Variants in SPOCK3 observed in about 807,000 individuals in gnomAD.
SPOCK3 encodes the protein testican-3.
Under a neutral mutation model 56.6 loss-of-function variants are expected in SPOCK3, and 30 were observed. That is an observed-to-expected ratio of 0.53 (90% CI 0.40 to 0.72). The LOEUF is 0.72. Ranked by LOEUF, SPOCK3 falls within the 30% of genes least tolerant of loss-of-function variation. SPOCK3 has a pLI of 0.00. For missense variants in SPOCK3, 527 were observed against 530.0 expected (o/e 0.99, Z 0.06); for synonymous variants, 196 against 183.3 (o/e 1.07, Z -0.56).
Position 166,869,312 on chromosome 4 carries a change from A to G in SPOCK3, c.589+19818T>C, listed in dbSNP as rs958258675. Among the ~76,000 whole-genome samples the G allele has an allele frequency of 2.6e-5, 4 of 152,278 alleles. No homozygotes were observed. The East Asian group carries it at 7.7e-4, about 29-fold the overall frequency. ...TCAAAAGTCTTAAAGCAGTAGGCAT[A>G]AGGCCATCTAAGTAAACCAGGGAAA... On this transcript the variant is annotated intron_variant, in intron 6 of 10. Coordinates refer to ENST00000357545, the MANE Select transcript of SPOCK3 (RefSeq NM_001040159.2).
At chr4:166,809,350 T>C (rs961582617) in intron 6 of SPOCK3, among the ~76,000 whole-genome samples, 4 of 152,044 alleles carry the variant, frequency 2.6e-5, no homozygotes, top group Non-Finnish European at 5.9e-5. Flanking sequence ...GGCCACTTCC[T>C]TTTATGGCTT....
At chr4:167,127,786 T>A (rs904871869) in intron 2 of SPOCK3, among the ~76,000 whole-genome samples, 1 of 152,078 alleles carries the variant, frequency 6.6e-6, no homozygotes, top group Non-Finnish European at 1.5e-5. Flanking sequence ...AAAAATAGAG[T>A]GATGATAAAT....
chr4:167,071,721 C>T (rs1756703350), intron 2 of SPOCK3, among the ~76,000 whole-genome samples: 1 of 152,090 alleles, frequency 6.6e-6, no homozygotes, highest in Non-Finnish European at 1.5e-5. Flanking sequence ...GATTTATAAT[C>T]CTTTGGATAT....
In SPOCK3 at chr4:166,974,886, A is replaced by G. The variant is rs780999839; in HGVS notation, c.350+25463T>C. On this transcript the variant is annotated intron_variant, in intron 4 of 10. Transcript: ENST00000357545. ...ACTGAATGTTAATCTCGAATGTAAC[A>G]TTATTGAAAGGTTGGGCTTTTCAGA... Among the ~76,000 whole-genome samples the G allele has an allele frequency of 2.0e-5, 3 of 152,232 alleles. No individual in the cohort carries two copies. The South Asian group carries it at 6.2e-4, about 31-fold the overall frequency.
intron 6 of SPOCK3, among the ~76,000 whole-genome samples, chr4:166,824,545 G>A (rs774979242): frequency 3.3e-5 from 5 of 152,050 alleles, no homozygotes; most frequent in African/African-American, 7.2e-5. Flanking sequence ...TGCTGGGAGC[G>A]TCTGTGAAAG....
chr4:166,976,986 T>C (rs917279020), intron 4 of SPOCK3, among the ~76,000 whole-genome samples: 1 of 151,982 alleles, frequency 6.6e-6, no homozygotes, highest in African/African-American at 2.4e-5. Context: ...TTGAGAAAGA[T>C]GGCGTGATAA....
chr4:166,976,767 T>A (rs1745995188), intron 4 of SPOCK3, among the ~76,000 whole-genome samples: 1 of 152,102 alleles, frequency 6.6e-6, no homozygotes, highest in East Asian at 1.9e-4. Flanking sequence ...GTGCCACAAC[T>A]GATCCTATTA....
intron 2 of SPOCK3, among the ~76,000 whole-genome samples, chr4:167,183,346 A>G (rs1000532902): frequency 3.3e-5 from 5 of 152,186 alleles, no homozygotes; most frequent in Non-Finnish European, 1.5e-5. Context: ...TATCTTTTAC[A>G]CTTACTTAAA....
At chr4:167,057,299 A>G (rs1471128800) in intron 3 of SPOCK3, among the ~76,000 whole-genome samples, 1 of 152,188 alleles carries the variant, frequency 6.6e-6, no homozygotes, top group African/African-American at 2.4e-5. Flanking sequence ...CTAAACATGG[A>G]AAGGAACAAC....
chr4:167,049,128 G>T (rs1311575494), intron 3 of SPOCK3, among the ~76,000 whole-genome samples: 2 of 147,232 alleles, frequency 1.4e-5, no homozygotes, highest in African/African-American at 5.1e-5. Context: ...TTTTGAGACA[G>T]AGTTTTGCTC....
chr4:166,818,242 A>ATT (rs981700518), intron 6 of SPOCK3, among the ~76,000 whole-genome samples: 4 of 151,824 alleles, frequency 2.6e-5, no homozygotes, highest in African/African-American at 9.6e-5. Flanking sequence ...ATGGTATTCC[A>ATT]TTGTGTGTGT....
At chr4:167,159,816 A>C (rs1387822568) in intron 2 of SPOCK3, among the ~76,000 whole-genome samples, 1 of 152,168 alleles carries the variant, frequency 6.6e-6, no homozygotes, top group Non-Finnish European at 1.5e-5. Flanking sequence ...TAGATGCAGA[A>C]AAGGCCTTCA....
chr4:166,995,083 C>T (rs1392656275), intron 4 of SPOCK3, among the ~76,000 whole-genome samples: 1 of 151,982 alleles, frequency 6.6e-6, no homozygotes, highest in Non-Finnish European at 1.5e-5. Context: ...AATTCTAGAA[C>T]CACAATGGCC....
chr4:166,954,888 C>A (rs1261488930), intron 4 of SPOCK3, among the ~76,000 whole-genome samples: 1 of 152,112 alleles, frequency 6.6e-6, no homozygotes, highest in Admixed American at 6.6e-5. Context: ...CCTGAATATC[C>A]CATGTCAATT....
chr4:166,917,229 A>G (rs940126275), intron 4 of SPOCK3, among the ~76,000 whole-genome samples: 10 of 152,184 alleles, frequency 6.6e-5, no homozygotes, highest in African/African-American at 2.4e-4. Context: ...CTAAATAAAT[A>G]TTTTTCTTAA....
chr4:167,067,194 C>T (rs1756238653), intron 2 of SPOCK3, among the ~76,000 whole-genome samples: 1 of 151,730 alleles, frequency 6.6e-6, no homozygotes, highest in Admixed American at 6.6e-5. Context: ...TAAGTCATCC[C>T]AGTGGCTATG....
chr4:167,150,114 C>T (rs915552641), intron 2 of SPOCK3, among the ~76,000 whole-genome samples: 1 of 152,048 alleles, frequency 6.6e-6, no homozygotes, highest in Non-Finnish European at 1.5e-5. Context: ...AGTAGATATT[C>T]CATAACTGTT....
chr4:167,108,297 C>G (rs1760350746), intron 2 of SPOCK3, among the ~76,000 whole-genome samples: 1 of 151,876 alleles, frequency 6.6e-6, no homozygotes, highest in Non-Finnish European at 1.5e-5. Flanking sequence ...AGCAATCCCG[C>G]TGCTAGGTAC....
rs561940023 is a variant in SPOCK3, at chr4:166,778,720, T to C, written c.709+13450A>G. ...CTGCTGCAGATAAATAATTGAATTC[T>C]AGACTTTTTTTTTTTCTAAAGCAGG... On this transcript the variant is annotated intron_variant, in intron 7 of 10. Coordinates refer to ENST00000357545, the MANE Select transcript of SPOCK3 (RefSeq NM_001040159.2). 7.6e-5 allele frequency among the ~76,000 whole-genome samples: 11 copies of C among 143,872 alleles called. No individual in the cohort carries two copies. In the East Asian group the frequency reaches 2.6e-3, roughly 34 times the overall value. The allele number at this position is 143,872 out of a possible 152,430, so 94.4% of individuals were successfully genotyped here.
Sources: gnomAD v4.1 joint callset for allele counts (sites outside exome capture counted in the v4.1 genomes callset) on GRCh38, gnomAD v4.1.1 for gene constraint, MANE v1.5 for transcripts, NCBI Gene and HGNC (gene_info 2026-07-23, HGNC 2026-07-21) for gene names.